Variants in TYW1B observed in about 807,000 individuals in gnomAD.
The protein encoded by TYW1B is S-adenosyl-L-methionine-dependent tRNA 4-demethylwyosine synthase TYW1B.
TYW1B carries 73 observed loss-of-function variants against 86.9 expected under a neutral mutation model. The ratio of observed to expected loss-of-function variants is 0.84; its 90% CI spans 0.70 to 1.02. TYW1B has a LOEUF of 1.02. Among genes scored for constraint, TYW1B ranks in the 50% least tolerant of loss-of-function variants. The probability of loss-of-function intolerance (pLI) is 0.00; values close to 1 mark genes in which losing one functional copy is unlikely to be tolerated. For synonymous variants in TYW1B, 248 were observed against 292.8 expected (o/e 0.85, Z 1.56); for missense variants, 637 against 827.4 (o/e 0.77, Z 2.82).
In TYW1B at chr7:72,596,232, C is replaced by A. The variant is rs1404174960; in HGVS notation, c.1785+20440G>T. 4.3e-5 allele frequency among the ~76,000 whole-genome samples: 6 copies of A among 140,098 alleles called. No homozygotes were observed. The East Asian group carries it at 1.1e-3, about 25-fold the overall frequency. The allele number at this position is 140,098 out of a possible 152,430, so 91.9% of individuals were successfully genotyped here. On this transcript the variant is annotated intron_variant, in intron 13 of 13. Transcript: ENST00000620995. Reference sequence around the variant, plus strand: ...CATCAACACTACCCAAAGTTACCTACATATTCAATACAGTATCTATCAAAA... The same window carrying A: ...CATCAACACTACCCAAAGTTACCTAAATATTCAATACAGTATCTATCAAAA...
chr7:72,655,796 T>C (rs1813187936), intron 11 of TYW1B, among the ~76,000 whole-genome samples: 2 of 152,290 alleles, frequency 1.3e-5, no homozygotes, highest in South Asian at 4.1e-4. Context: ...CATGAAGATG[T>C]GTCTGCCCAT....
intron 11 of TYW1B, among the ~76,000 whole-genome samples, chr7:72,667,031 C>CAAAAAAAAAAAAA (rs60691255): frequency 1.7e-4 from 7 of 42,238 alleles, no homozygotes; most frequent in Admixed American, 3.8e-4. Flanking sequence ...GACTCCGTCT[C>CAAAAAAAAAAAAA]AAAAAAAAAA....
chr7:72,725,361 A>T (rs1198891760), intron 9 of TYW1B, among the ~76,000 whole-genome samples: 1 of 152,152 alleles, frequency 6.6e-6, no homozygotes, highest in African/African-American at 2.4e-5. Flanking sequence ...TCATTCAGGG[A>T]GACTCCAGGA....
intron 6 of TYW1B, among the ~76,000 whole-genome samples, chr7:72,791,079 C>T (rs1788209691): frequency 6.6e-6 from 1 of 152,144 alleles, no homozygotes; most frequent in Non-Finnish European, 1.5e-5. Flanking sequence ...TTTTGCACAG[C>T]CCTAGATATA....
rs187063756 is a variant in TYW1B at position 72,606,066 on chromosome 7, G to C, written c.1785+10606C>G. Among the ~76,000 whole-genome samples, 227 of 152,258 alleles carry C rather than the reference G, an allele frequency of 1.5e-3. 3 individuals carry two copies. Among genetic ancestry groups the C allele is most frequent in the African/African-American group, 5.3e-3 (221 of 41,550 alleles). On this transcript the variant is annotated intron_variant, in intron 13 of 13. Transcript: ENST00000620995. ...AGATTCTCAAAGGTAGAGATAAGAA[G>C]GCACACTGGCTAGGGGCCTTGGGAT...
intron 5 of TYW1B, among the ~76,000 whole-genome samples, chr7:72,806,030 A>G (rs1361343266): frequency 6.6e-6 from 1 of 152,102 alleles, no homozygotes; most frequent in Admixed American, 6.6e-5. Flanking sequence ...GGAATCTAGG[A>G]TGACTTGCAG....
At chr7:72,617,192 G>A (rs1812097716) in intron 12 of TYW1B, among the ~76,000 whole-genome samples, 1 of 152,008 alleles carries the variant, frequency 6.6e-6, no homozygotes, top group Non-Finnish European at 1.5e-5. Flanking sequence ...AATTATGAAG[G>A]GGTTATCACC....
intron 10 of TYW1B, among the ~76,000 whole-genome samples, chr7:72,695,939 T>C (rs1326485857): frequency 7.9e-6 from 1 of 126,394 alleles, no homozygotes; most frequent in Non-Finnish European, 1.6e-5. Flanking sequence ...TAGACTATAC[T>C]TTTTCTTTTC....
chr7:72,687,173 C>T (rs1247900749), intron 11 of TYW1B, among the ~76,000 whole-genome samples: 6 of 151,936 alleles, frequency 3.9e-5, no homozygotes, highest in Non-Finnish European at 5.9e-5. Context: ...CAGTGGCTCA[C>T]GCCTGTAATC....
intron 10 of TYW1B, among the ~76,000 whole-genome samples, chr7:72,709,202 A>G (rs1383151572): frequency 6.6e-6 from 1 of 152,186 alleles, no homozygotes; most frequent in African/African-American, 2.4e-5. Flanking sequence ...AGGTATTTCA[A>G]TGGATAACAA....
intron 13 of TYW1B, among the ~76,000 whole-genome samples, chr7:72,615,217 G>T (rs1812040795): frequency 6.6e-6 from 1 of 152,260 alleles, no homozygotes; most frequent in Admixed American, 6.5e-5. Context: ...CATGGGAAAA[G>T]AGAAGAAATC....
intron 1 of TYW1B, 67 bp downstream of exon 1, chr7:72,828,005 A>G: frequency 6.2e-7 from 1 of 1,605,054 alleles, no homozygotes. Flanking sequence ...CTCCGCCCGG[A>G]GAGGGTCTCA....
Position 72,709,638 on chromosome 7 carries a change from A to G in TYW1B, c.1370+3983T>C, listed in dbSNP as rs1208110433. Among the ~76,000 whole-genome samples the G allele has an allele frequency of 3.3e-5, 5 of 152,298 alleles. No homozygotes were observed. In the East Asian group the frequency reaches 5.8e-4, roughly 18 times the overall value. ...AGCCGAGATGGCGCCATTGCACTCTAGCCTGGGTGACAGAGCGAGACTCCG... is the reference window on the plus strand; with the variant it reads ...AGCCGAGATGGCGCCATTGCACTCTGGCCTGGGTGACAGAGCGAGACTCCG... On this transcript the variant is annotated intron_variant, in intron 10 of 13. Transcript: ENST00000620995.
chr7:72,803,909 CA>C (rs1788449575), intron 5 of TYW1B, among the ~76,000 whole-genome samples: 2 of 151,950 alleles, frequency 1.3e-5, no homozygotes, highest in Non-Finnish European at 2.9e-5. Context: ...CCACCGTGCC[CA>C]GCTGATAAAG....
At chr7:72,605,922 C>A (rs1156401428) in intron 13 of TYW1B, among the ~76,000 whole-genome samples, 4 of 152,042 alleles carry the variant, frequency 2.6e-5, no homozygotes, top group African/African-American at 4.8e-5. Context: ...AGATGCGAAC[C>A]CCAACTCTAC....
At chr7:72,824,905 C>A (rs1788900094) in intron 2 of TYW1B, among the ~76,000 whole-genome samples, 1 of 151,768 alleles carries the variant, frequency 6.6e-6, no homozygotes. Context: ...GAGTTTAAGA[C>A]CAGCCTGGGC....
At chr7:72,602,253 T>A (rs1398422323) in intron 13 of TYW1B, among the ~76,000 whole-genome samples, 2 of 152,058 alleles carry the variant, frequency 1.3e-5, no homozygotes, top group African/African-American at 4.8e-5. Context: ...GGTTAACAAC[T>A]CCAGCGCCGC....
intron 6 of TYW1B, among the ~76,000 whole-genome samples, chr7:72,783,818 G>A (rs2129572142): frequency 6.6e-6 from 1 of 152,318 alleles, no homozygotes; most frequent in South Asian, 2.1e-4. Flanking sequence ...ACCATGGTGA[G>A]TCAAGATGGT....
chr7:72,704,159 C>T (rs1194534479), intron 10 of TYW1B, among the ~76,000 whole-genome samples: 2 of 152,012 alleles, frequency 1.3e-5, no homozygotes, highest in African/African-American at 4.8e-5. Context: ...CTTGTCTGGG[C>T]GCAGTAGCTC....
Sources: allele counts gnomAD v4.1 joint callset (sites outside exome capture counted in the v4.1 genomes callset), GRCh38; gene constraint gnomAD v4.1.1; transcripts MANE v1.5; gene names NCBI Gene and HGNC (gene_info 2026-07-23, HGNC 2026-07-21).